Variants in DOCK3 observed in about 807,000 individuals in gnomAD.
DOCK3 encodes the protein dedicator of cytokinesis 3, also known as dedicator of cytokinesis protein 3.
A neutral mutation model predicts 265.6 loss-of-function variants in DOCK3; 60 were observed. The ratio of observed to expected loss-of-function variants is 0.23; its 90% CI spans 0.18 to 0.28. The LOEUF (loss-of-function observed/expected upper bound fraction) is 0.28. Ranked by LOEUF, DOCK3 falls within the 10% of genes least tolerant of loss-of-function variation. The pLI is 1.00. For synonymous variants in DOCK3, 881 were observed against 938.0 expected (o/e 0.94, Z 1.11); for missense variants, 1,981 against 2,594.3 (o/e 0.76, Z 5.14).
At chr3:50,832,846 T>C (rs945647829) in intron 2 of DOCK3, among the ~76,000 whole-genome samples, 4 of 152,118 alleles carry the variant, frequency 2.6e-5, no homozygotes, top group Non-Finnish European at 5.9e-5. Flanking sequence ...TGAGAGGAGC[T>C]CAGTCAGAAA....
chr3:50,827,147 A>G (rs1479794866), intron 2 of DOCK3, among the ~76,000 whole-genome samples: 1 of 152,216 alleles, frequency 6.6e-6, no homozygotes, highest in Admixed American at 6.5e-5. Flanking sequence ...CAGGAATCAG[A>G]CTGACATTGG....
intron 20 of DOCK3, 115 bp from the exon 21 acceptor site, chr3:51,237,375 T>C (rs1576492719): frequency 3.7e-6 from 3 of 802,612 alleles, no homozygotes; most frequent in East Asian, 5.4e-5. Flanking sequence ...TGGGGAATGC[T>C]AGAGGACAGC....
intron 5 of DOCK3, among the ~76,000 whole-genome samples, chr3:51,009,973 T>G (rs1002204060): frequency 1.8e-4 from 28 of 152,138 alleles, no homozygotes; most frequent in Non-Finnish European, 2.8e-4. Flanking sequence ...TTGCACTGTA[T>G]TCTGAGAGAC....
chr3:51,265,741 A>C (rs761021656), intron 23 of DOCK3, among the ~76,000 whole-genome samples: 1 of 152,158 alleles, frequency 6.6e-6, no homozygotes, highest in Non-Finnish European at 1.5e-5. Flanking sequence ...CACAGCCAAT[A>C]TACTGAATGG....
In DOCK3 at chr3:50,877,320, T is replaced by C. The variant is rs1005280728; in HGVS notation, c.163-12706T>C. The C allele has an allele frequency of 7.5e-6, 3 of 399,844 alleles. No individual in the cohort carries two copies. In the Admixed American group the frequency reaches 9.6e-5, roughly 13 times the overall value. The allele number at this position is 399,844 out of a possible 1,614,324, so 24.8% of individuals were successfully genotyped here. A position where few individuals can be genotyped will look rare whatever the true frequency, so the allele number is the denominator to read the frequency against. On this transcript the variant is annotated intron_variant, in intron 3 of 52. Coordinates refer to ENST00000266037, the MANE Select transcript of DOCK3 (RefSeq NM_004947.5). ...ACCTTTTTCTAATGTTGTGCAATTT[T>C]CTTGGCCCTCAGTTGAACTTCTTTC...
At chr3:50,914,018 G>T (rs1041356585) in intron 4 of DOCK3, among the ~76,000 whole-genome samples, 1 of 148,554 alleles carries the variant, frequency 6.7e-6, no homozygotes, top group African/African-American at 2.4e-5. Context: ...TTGTATTCTG[G>T]CATCTTGCTT....
intron 4 of DOCK3, among the ~76,000 whole-genome samples, chr3:50,903,903 A>C (rs1196308215): frequency 6.6e-6 from 1 of 151,984 alleles, no homozygotes; most frequent in South Asian, 2.1e-4. Flanking sequence ...TCCTAATGAT[A>C]TCTCTCCCCA....
chr3:51,214,916 G>T (rs949578645), intron 14 of DOCK3, among the ~76,000 whole-genome samples: 8 of 152,128 alleles, frequency 5.3e-5, no homozygotes, highest in African/African-American at 1.9e-4. Context: ...GGGTAGGGCT[G>T]GAAAAGTGGA....
chr3:51,053,623 G>A (rs747628650), intron 5 of DOCK3, among the ~76,000 whole-genome samples: 16 of 151,612 alleles, frequency 1.1e-4, no homozygotes, highest in Non-Finnish European at 1.9e-4. Flanking sequence ...GGGTTTCACC[G>A]TGTCAGCAAG....
intron 27 of DOCK3, among the ~76,000 whole-genome samples, chr3:51,287,492 A>G (rs2081470901): frequency 6.6e-6 from 1 of 152,234 alleles, no homozygotes; most frequent in Admixed American, 6.5e-5. Flanking sequence ...TCAAGGCTGC[A>G]GTGAGCTGAT....
chr3:51,332,461 G>C (rs1458923190), intron 33 of DOCK3, among the ~76,000 whole-genome samples: 1 of 152,196 alleles, frequency 6.6e-6, no homozygotes, highest in African/African-American at 2.4e-5. Flanking sequence ...CAGTAGGATG[G>C]CCAAGTATAG....
At chr3:51,341,156 G>A in intron 37 of DOCK3, 81 bp from the exon 38 acceptor site, 1 of 1,475,802 alleles carries the variant, frequency 6.8e-7, no homozygotes, top group Non-Finnish European at 9.0e-7. Flanking sequence ...ATTCTGCCCA[G>A]CATAGTCCTC....
At chr3:50,729,380 T>A (rs377578313) in intron 1 of DOCK3, among the ~76,000 whole-genome samples, 98 of 54,680 alleles carry the variant, frequency 1.8e-3, no homozygotes, top group Middle Eastern at 8.5e-3. Context: ...TTATTTATTT[T>A]TATTTATTTA....
intron 1 of DOCK3, among the ~76,000 whole-genome samples, chr3:50,725,392 C>T (rs1013824037): frequency 6.6e-6 from 1 of 152,186 alleles, no homozygotes; most frequent in African/African-American, 2.4e-5. Flanking sequence ...GTAAAAGAGA[C>T]AAGTGAAATT....
At chr3:51,124,322 C>T (rs1469149193) in intron 9 of DOCK3, among the ~76,000 whole-genome samples, 4 of 152,152 alleles carry the variant, frequency 2.6e-5, no homozygotes, top group Non-Finnish European at 5.9e-5. Flanking sequence ...CTGAATTGTT[C>T]TATATATGGG....
intron 32 of DOCK3, among the ~76,000 whole-genome samples, chr3:51,316,054 A>G (rs962581706): frequency 1.1e-4 from 16 of 152,156 alleles, no homozygotes; most frequent in African/African-American, 2.7e-4. Flanking sequence ...TTACAGTTCT[A>G]TGTGTTTTGG....
chr3:50,779,256 A>G (rs2041785552), intron 2 of DOCK3, among the ~76,000 whole-genome samples: 1 of 152,202 alleles, frequency 6.6e-6, no homozygotes, highest in Non-Finnish European at 1.5e-5. Context: ...TGAATAGGTA[A>G]TCTACCCATG....
At chr3:51,089,109 T>C (rs2082537076) in intron 7 of DOCK3, 134 bp from the exon 8 acceptor site, 3 of 959,696 alleles carry the variant, frequency 3.1e-6, no homozygotes, top group South Asian at 3.5e-5. Flanking sequence ...ATAACACTTA[T>C]TTTACAAAGT....
chr3:51,103,429 T>TA (rs1233407431), intron 9 of DOCK3, among the ~76,000 whole-genome samples: 1 of 152,224 alleles, frequency 6.6e-6, no homozygotes, highest in African/African-American at 2.4e-5. Context: ...TCGTCCTGTT[T>TA]ATTCAACAAA....
Sources: gnomAD v4.1 joint callset for allele counts (sites outside exome capture counted in the v4.1 genomes callset) on GRCh38, gnomAD v4.1.1 for gene constraint, MANE v1.5 for transcripts, NCBI Gene and HGNC (gene_info 2026-07-23, HGNC 2026-07-21) for gene names.